The following DSCAM variants were observed in gnomAD, a reference collection of about 807,000 sequenced individuals.
The protein encoded by DSCAM is DS cell adhesion molecule, also known as cell adhesion molecule DSCAM.
Under a neutral mutation model 217.7 loss-of-function variants are expected in DSCAM, and 47 were observed. The observed-to-expected ratio is 0.22, with a 90% CI of 0.17 to 0.28. The LOEUF (loss-of-function observed/expected upper bound fraction) is 0.28, where lower values mean the gene tolerates loss of function less well. Ranked by LOEUF, DSCAM falls within the 10% of genes least tolerant of loss-of-function variation. DSCAM has a pLI of 1.00. For missense variants in DSCAM, 2,080 were observed against 2,618.3 expected (o/e 0.79, Z 4.49); for synonymous variants, 1,056 against 1,015.3 (o/e 1.04, Z -0.76).
At chr21:40,501,723 C>A (rs1398485669) in intron 3 of DSCAM, among the ~76,000 whole-genome samples, 1 of 152,182 alleles carries the variant, frequency 6.6e-6, no homozygotes, top group Non-Finnish European at 1.5e-5. Flanking sequence ...TCCAGAGTAG[C>A]TGAGATTACA....
chr21:40,017,678 A>G (rs1273027526), intron 32 of DSCAM, among the ~76,000 whole-genome samples: 1 of 151,652 alleles, frequency 6.6e-6, no homozygotes, highest in Non-Finnish European at 1.5e-5. Context: ...CAGCCTCCTG[A>G]GTAGCTGGGA....
At chr21:40,456,551 G>A (rs2075764950) in intron 3 of DSCAM, among the ~76,000 whole-genome samples, 1 of 152,112 alleles carries the variant, frequency 6.6e-6, no homozygotes, top group Non-Finnish European at 1.5e-5. Flanking sequence ...ATGAGAAAAT[G>A]AGGAAAGACC....
intron 32 of DSCAM, among the ~76,000 whole-genome samples, chr21:40,030,200 C>A (rs1170247564): frequency 6.6e-6 from 1 of 152,192 alleles, no homozygotes; most frequent in African/African-American, 2.4e-5. Flanking sequence ...TCCCTCTCAG[C>A]CTCCCTGCTC....
At chr21:40,289,376 G>A (rs1414170649) in intron 10 of DSCAM, among the ~76,000 whole-genome samples, 2 of 152,132 alleles carry the variant, frequency 1.3e-5, no homozygotes, top group Admixed American at 6.5e-5. Flanking sequence ...GGCCTGATGT[G>A]GCTTAGAATT....
intron 30 of DSCAM, among the ~76,000 whole-genome samples, chr21:40,050,695 A>C (rs969381065): frequency 6.6e-6 from 1 of 152,088 alleles, no homozygotes; most frequent in Non-Finnish European, 1.5e-5. Context: ...GTTAGCCAGG[A>C]TGGTCTCAAT....
chr21:40,368,656 C>A (rs1009361228), intron 4 of DSCAM, among the ~76,000 whole-genome samples: 10 of 152,188 alleles, frequency 6.6e-5, no homozygotes, highest in Admixed American at 3.3e-4. Flanking sequence ...ATATTGATAG[C>A]AAGCAACCTT....
intron 1 of DSCAM, among the ~76,000 whole-genome samples, chr21:40,719,741 A>G (rs991368665): frequency 6.6e-6 from 1 of 152,202 alleles, no homozygotes; most frequent in Non-Finnish European, 1.5e-5. Context: ...TCAAAATAGG[A>G]AAAACTAATC....
intron 1 of DSCAM, among the ~76,000 whole-genome samples, chr21:40,759,886 G>T (rs2091313413): frequency 6.6e-6 from 1 of 152,128 alleles, no homozygotes; most frequent in Non-Finnish European, 1.5e-5. Context: ...CACATCAAAA[G>T]GGGGAGGTGA....
At chr21:40,295,007 G>A (rs573780839) in intron 10 of DSCAM, among the ~76,000 whole-genome samples, 3 of 152,268 alleles carry the variant, frequency 2.0e-5, no homozygotes, top group East Asian at 3.9e-4. Flanking sequence ...GAGATGCCAG[G>A]AGGGTTGCAA....
chr21:40,479,335 G>A (rs919935309), intron 3 of DSCAM, among the ~76,000 whole-genome samples: 11 of 152,122 alleles, frequency 7.2e-5, no homozygotes, highest in African/African-American at 2.4e-4. Flanking sequence ...CATCATTAAC[G>A]GTGCAGGGGT....
chr21:40,445,079 T>C lies in DSCAM; in HGVS notation c.509-75834A>G, dbSNP rs574978158. 4.6e-5 allele frequency among the ~76,000 whole-genome samples: 7 copies of C among 152,316 alleles called. No homozygotes were observed. The South Asian group carries it at 1.5e-3, about 32-fold the overall frequency. On this transcript the variant is annotated intron_variant, in intron 3 of 32. Transcript: ENST00000400454. ...ATATTCTGTGCTTCCAGGATGGTACTTTCTCTCTGTATCCTCACATGGTGG... is the reference window on the plus strand; with the variant it reads ...ATATTCTGTGCTTCCAGGATGGTACCTTCTCTCTGTATCCTCACATGGTGG...
At position 40,549,693 on chromosome 21, in the gene DSCAM, C is replaced by T. The variant is rs117118194; in HGVS notation, c.508+143117G>A. ...TTACATTTTGGGACAAGTCATACTT[C>T]AGCTCACTCACCTTCATATTTAACA... On this transcript the variant is annotated intron_variant, in intron 3 of 32. Coordinates refer to ENST00000400454, the MANE Select transcript of DSCAM (RefSeq NM_001389.5). Among the ~76,000 whole-genome samples the T allele has an allele frequency of 4.5e-3, 687 of 152,338 alleles. 3 individuals carry two copies. The highest frequency in any genetic ancestry group is 6.8e-3 in the Middle Eastern group (2 of 294).
chr21:40,758,077 C>A (rs977980310), intron 1 of DSCAM, among the ~76,000 whole-genome samples: 4 of 152,002 alleles, frequency 2.6e-5, no homozygotes, highest in Non-Finnish European at 4.4e-5. Flanking sequence ...CAGACACAGA[C>A]CCACAGGGAG....
At chr21:40,213,537 G>A (rs1054082933) in intron 11 of DSCAM, among the ~76,000 whole-genome samples, 5 of 152,204 alleles carry the variant, frequency 3.3e-5, no homozygotes, top group Non-Finnish European at 5.9e-5. Context: ...GCAGACATGA[G>A]CAACACATGA....
chr21:40,181,660 G>A (rs1346756110), intron 14 of DSCAM, among the ~76,000 whole-genome samples: 1 of 151,416 alleles, frequency 6.6e-6, no homozygotes, highest in African/African-American at 2.4e-5. Flanking sequence ...AATAAGACAG[G>A]ATTTTGATAT....
At chr21:40,161,509 G>C (rs928229504) in intron 16 of DSCAM, among the ~76,000 whole-genome samples, 1 of 152,028 alleles carries the variant, frequency 6.6e-6, no homozygotes, top group Non-Finnish European at 1.5e-5. Context: ...CATATTAATT[G>C]CACTCCTGCT....
At chr21:40,175,770 A>AACACACACACACACACACACACACACAC (rs1329501944) in intron 15 of DSCAM, among the ~76,000 whole-genome samples, 3 of 126,352 alleles carry the variant, frequency 2.4e-5, no homozygotes, top group Non-Finnish European at 4.9e-5. Context: ...ATATTTTCTC[A>AACACACACACACACACACACACACACAC]ACACACACAT....
intron 11 of DSCAM, among the ~76,000 whole-genome samples, chr21:40,196,907 A>G (rs1473924729): frequency 3.3e-5 from 5 of 152,238 alleles, no homozygotes; most frequent in Non-Finnish European, 7.3e-5. Context: ...AAATTATGCT[A>G]TAAATAGAAG....
rs570529600 is a variant in DSCAM, at chr21:40,534,887, T to C, written c.508+157923A>G. 2.0e-5 allele frequency among the ~76,000 whole-genome samples: 3 copies of C among 152,298 alleles called. No homozygotes were observed. The South Asian group carries it at 6.2e-4, about 32-fold the overall frequency. On this transcript the variant is annotated intron_variant, in intron 3 of 32. Transcript: ENST00000400454. Reference sequence around the variant, plus strand: ...GGGCGGTTGTAATGATTTCTCCCAATATTACCTCTGTAATCTCTAAACTTA... The same window carrying C: ...GGGCGGTTGTAATGATTTCTCCCAACATTACCTCTGTAATCTCTAAACTTA...
Sources: gnomAD v4.1 joint callset for allele counts (sites outside exome capture counted in the v4.1 genomes callset) on GRCh38, gnomAD v4.1.1 for gene constraint, MANE v1.5 for transcripts, NCBI Gene and HGNC (gene_info 2026-07-23, HGNC 2026-07-21) for gene names.